AKNAD1: variants seen among roughly 807,000 people sequenced by gnomAD.
AKNAD1 encodes the protein protein AKNAD1.
In AKNAD1, 67 loss-of-function variants were observed where a neutral mutation model predicts 90.8. The ratio of observed to expected loss-of-function variants is 0.74; its 90% CI spans 0.61 to 0.90. AKNAD1 has a LOEUF of 0.90. Ranked by LOEUF, AKNAD1 falls within the 40% of genes least tolerant of loss-of-function variation. AKNAD1 has a pLI of 0.00. For synonymous variants in AKNAD1, 327 were observed against 341.4 expected (o/e 0.96, Z 0.46); for missense variants, 957 against 975.4 (o/e 0.98, Z 0.25).
In AKNAD1 at chr1:108,851,952, G is replaced by C. The variant is rs755888612; in HGVS notation, c.713C>G (p.Thr238Ser). 3 of 1,614,218 alleles carry C rather than the reference G, an allele frequency of 1.9e-6. No individual in the cohort carries two copies. The Admixed American group carries it at 5.0e-5, about 27-fold the overall frequency. The part of the protein sequence containing the change: ...YQGQSPQKQQ[T>S]EKANSGNTFK... ...CGTGTTGCCTGAATTTGCTTTTTCA[G>C]TCTGCTGTTTCTGGGGTGACTGCCC... The change falls in exon 2 of 16, where the codon ACT (threonine) becomes AGT (serine). Residue 238 changes from threonine to serine, a missense_variant. Coordinates refer to ENST00000370001, the MANE Select transcript of AKNAD1 (RefSeq NM_152763.5).
intron 9 of AKNAD1, among the ~76,000 whole-genome samples, chr1:108,833,231 C>T (rs970945752): frequency 1.3e-5 from 2 of 152,042 alleles, no homozygotes; most frequent in Admixed American, 6.6e-5. Flanking sequence ...TAGTAAAATC[C>T]TATTTTGGCC....
At chr1:108,831,334 T>C (rs1664188173) in intron 9 of AKNAD1, among the ~76,000 whole-genome samples, 1 of 152,232 alleles carries the variant, frequency 6.6e-6, no homozygotes, top group South Asian at 2.1e-4. Context: ...ATTGTACACA[T>C]AGCTTTTTCC....
chr1:108,852,895 C>A, intron 1 of AKNAD1, 128 bp from the exon 2 acceptor site: 1 of 358,860 alleles, frequency 2.8e-6, no homozygotes, highest in Non-Finnish European at 4.9e-6. Context: ...GAAGCTCAAC[C>A]ACAAGCTGAC....
chr1:108,836,775 T>G (rs1664398951), intron 7 of AKNAD1: 2 of 152,246 alleles, frequency 1.3e-5, no homozygotes, highest in Non-Finnish European at 2.9e-5. Flanking sequence ...ATTTTGATTT[T>G]AGTCTGAATG....
intron 2 of AKNAD1, among the ~76,000 whole-genome samples, chr1:108,850,595 A>G (rs889148039): frequency 9.2e-5 from 14 of 151,936 alleles, no homozygotes; most frequent in Non-Finnish European, 1.9e-4. Flanking sequence ...CATTCAGTTG[A>G]AAGAGAGGGG....
chr1:108,843,037 T>A (rs183925253), intron 6 of AKNAD1, 97 bp downstream of exon 6: 2 of 1,483,158 alleles, frequency 1.3e-6, no homozygotes, highest in Non-Finnish European at 1.8e-6. Context: ...CCTAGACCAG[T>A]GGCTCTCCAA....
chr1:108,847,560 C>G (rs1368877656), intron 5 of AKNAD1, among the ~76,000 whole-genome samples: 3 of 152,156 alleles, frequency 2.0e-5, no homozygotes, highest in South Asian at 2.1e-4. Context: ...TCTCCTCCCC[C>G]ACCCCCATGT....
Position 108,834,986 on chromosome 1 carries a change from G to T in AKNAD1, c.1607C>A (p.Pro536His). 1 of 1,564,030 alleles carries T rather than the reference G, an allele frequency of 6.4e-7. No individual in the cohort carries two copies. The highest frequency in any genetic ancestry group is 8.6e-7 in the Non-Finnish European group (1 of 1,163,064). The part of the protein sequence containing the change: ...GSGGSEVTGT[P>H]QGGPQEAPNE... ...GGGGGCCTCCTGCGGCCCTCCTTGG[G>T]GTGTCCCTGTTACCTCACTCCCACC... The change falls in exon 8 of 16, where the codon CCC becomes CAC. Residue 536 changes from proline to histidine, a missense_variant. Pro to His is a moderately conservative substitution (Grantham distance 77). Coordinates refer to ENST00000370001, the MANE Select transcript of AKNAD1 (RefSeq NM_152763.5).
intron 6 of AKNAD1, among the ~76,000 whole-genome samples, chr1:108,838,443 CA>C: frequency 6.6e-6 from 1 of 151,710 alleles, no homozygotes; most frequent in East Asian, 1.9e-4. Context: ...GAGAGAATAA[CA>C]TAGGAAAACC....
At chr1:108,854,790 A>G (rs1273995330) in intron 1 of AKNAD1, among the ~76,000 whole-genome samples, 1 of 152,232 alleles carries the variant, frequency 6.6e-6, no homozygotes, top group Non-Finnish European at 1.5e-5. Context: ...AGAAAGTGAA[A>G]GGCACAGTGG....
chr1:108,826,725 TC>T (rs1205070174), intron 11 of AKNAD1, among the ~76,000 whole-genome samples: 2 of 141,918 alleles, frequency 1.4e-5, no homozygotes, highest in Non-Finnish European at 3.0e-5. Context: ...ATTCTTTTTT[TC>T]TTTTCTTTTC....
intron 8 of AKNAD1, among the ~76,000 whole-genome samples, 158 bp from the exon 9 acceptor site, chr1:108,834,686 T>C (rs1031897130): frequency 1.7e-4 from 26 of 151,940 alleles, no homozygotes; most frequent in Non-Finnish European, 3.2e-4. Flanking sequence ...CCACTTGACC[T>C]TCACCTCTCC....
rs554538820 is a variant in AKNAD1, at chr1:108,852,748, T to G, written c.-84A>C. ...AACAATAGCTCTGGTTCTCACTGAC[T>G]GTCTTCACTGTGTGCTATTCTGTGT... On this transcript the variant is annotated 5_prime_UTR_variant, in exon 2 of 16. Transcript: ENST00000370001. The G allele has an allele frequency of 7.7e-7, 1 of 1,297,434 alleles. No homozygotes were observed. Among genetic ancestry groups the G allele is most frequent in the South Asian group, 1.5e-5 (1 of 66,716 alleles). The allele number at this position is 1,297,434 out of a possible 1,614,324, so 80.4% of individuals were successfully genotyped here.
intron 13 of AKNAD1, chr1:108,823,085 C>T (rs1663868876): frequency 1.5e-6 from 1 of 651,094 alleles, no homozygotes; most frequent in South Asian, 1.8e-5. Context: ...TTTATTTGTT[C>T]AGCAAACATT....
At position 108,830,508 on chromosome 1, in the gene AKNAD1, C is replaced by T. The variant is rs760737957; in HGVS notation, c.1838+51G>A. On this transcript the variant is annotated intron_variant, in intron 10 of 15. Coordinates refer to ENST00000370001, the MANE Select transcript of AKNAD1 (RefSeq NM_152763.5). The stretch of plus-strand genomic sequence containing the variant: ...GCCCACTCTCACTGGAGTTACTATG[C>T]CAGGACTGACTCCAATCCACCCTGG... The T allele has an allele frequency of 1.9e-6, 3 of 1,567,196 alleles. No individual in the cohort carries two copies. The African/African-American group carries it at 4.0e-5, about 21-fold the overall frequency.
intron 14 of AKNAD1, among the ~76,000 whole-genome samples, chr1:108,818,681 G>A (rs1011265275): frequency 2.6e-5 from 4 of 152,030 alleles, no homozygotes; most frequent in African/African-American, 7.3e-5. Context: ...CCAAGAAGTC[G>A]GCCAGGCATG....
rs754119001 is a variant in AKNAD1 at position 108,849,098 on chromosome 1, T to G, written c.1034-38A>C. On this transcript the variant is annotated intron_variant, in intron 3 of 15. Transcript: ENST00000370001. ...GAACACATTTGGGCTACCATTCATC[T>G]CAACTTATCACAGTTTTATTAAGTA... 5.9e-6 allele frequency: 9 copies of G among 1,518,062 alleles called. No individual in the cohort carries two copies. In the East Asian group the frequency reaches 2.1e-4, roughly 35 times the overall value. 94.0% of individuals were successfully genotyped at this position (1,518,062 alleles called of 1,614,324 possible).
At position 108,838,328 on chromosome 1, in the gene AKNAD1, C is replaced by CAA. The variant is rs1557833302; in HGVS notation, c.1380-623_1380-622insTT. ...TAACAACAAAAAGATAGCCCCCCCC[C>CAA]CAAAAAAAACCCTGTTTAATTAGAA... On this transcript the variant is annotated intron_variant, in intron 6 of 15. Transcript: ENST00000370001. Among the ~76,000 whole-genome samples the CAA allele has an allele frequency of 5.4e-3, 789 of 145,230 alleles. 10 individuals are homozygous for CAA. Among genetic ancestry groups the CAA allele is most frequent in the African/African-American group, 0.02 (757 of 38,698 alleles).
intron 6 of AKNAD1, among the ~76,000 whole-genome samples, chr1:108,841,240 A>G (rs1664543627): frequency 6.6e-6 from 1 of 152,078 alleles, no homozygotes; most frequent in African/African-American, 2.4e-5. Context: ...GCAAGGCCTC[A>G]AGGAAGTAGA....
Sources: gnomAD v4.1 joint callset for allele counts (sites outside exome capture counted in the v4.1 genomes callset) on GRCh38, gnomAD v4.1.1 for gene constraint, MANE v1.5 for transcripts, NCBI Gene and HGNC (gene_info 2026-07-23, HGNC 2026-07-21) for gene names.